The following SUSD1 variants were observed in gnomAD, a reference collection of about 807,000 sequenced individuals.
The protein encoded by SUSD1 is sushi domain-containing protein 1.
Under a neutral mutation model 86.9 loss-of-function variants are expected in SUSD1, and 65 were observed. The ratio of observed to expected loss-of-function variants is 0.75; its 90% confidence interval spans 0.61 to 0.92. The LOEUF is 0.92. Among genes scored for constraint, SUSD1 ranks in the 40% least tolerant of loss-of-function variants. The probability of loss-of-function intolerance (pLI) is 0.00; values close to 1 mark genes in which losing one functional copy is unlikely to be tolerated. For missense variants in SUSD1, 850 were observed against 929.7 expected, an observed-to-expected ratio of 0.91 and a Z score of 1.11; for synonymous variants, 346 against 350.0, an observed-to-expected ratio of 0.99 and a Z score of 0.13.
rs1831200515 is a variant in SUSD1, at chr9:112,113,811, A to C, written c.887-943T>G. Among the ~76,000 whole-genome samples, 1 of 152,114 alleles carries C rather than the reference A, an allele frequency of 6.6e-6. No homozygotes were observed. Among genetic ancestry groups the C allele is most frequent in the South Asian group, 2.1e-4 (1 of 4,820 alleles). On this transcript the variant is annotated intron_variant, in intron 6 of 16. Coordinates refer to ENST00000374270, the MANE Select transcript of SUSD1 (RefSeq NM_022486.5). This position sits in a 1 kb window ranked among gnomAD's most constrained non-coding sequence, Gnocchi z 4.1. ...GCGGTGCACGGTGGCACATGCCTGT[A>C]ATCTCAACTACCTGGGAGGCTGAGG... is the stretch of plus-strand genomic sequence containing the variant.
intron 5 of SUSD1, among the ~76,000 whole-genome samples, chr9:112,139,262 G>T (rs1259634189): frequency 1.3e-5 from 2 of 151,974 alleles, no homozygotes; most frequent in South Asian, 2.1e-4. Flanking sequence ...ACTGAACAAA[G>T]ATGGCACAGG....
rs1208434237 is a variant in SUSD1, at chr9:112,080,128, T to G, written c.1512A>C (p.Glu504Asp). 1 of 1,613,718 alleles carries G rather than the reference T, an allele frequency of 6.2e-7. No individual in the cohort carries two copies. Residue 504 changes from glutamate to aspartate, a missense_variant, in exon 11 of 17, where the codon GAA becomes GAC. Transcript: ENST00000374270. ...TGATGCTTCTCCATCTCAAGCAGGT[T>G]TCATTAAATCCTGAAATGTTACTGA... ...QTISNISGFN[E>D]TCLRWRSIKT...
At chr9:112,152,210 A>G (rs1220015719) in intron 2 of SUSD1, among the ~76,000 whole-genome samples, 1 of 151,994 alleles carries the variant, frequency 6.6e-6, no homozygotes, top group African/African-American at 2.4e-5. Context: ...CTCAAAAAAA[A>G]AAAAAAAAGG....
Position 112,112,831 on chromosome 9 carries a change from A to G in SUSD1, c.924T>C (p.Asn308=). 6.2e-7 allele frequency: 1 copy of G among 1,613,414 alleles called. No homozygotes were observed. Residue 308 remains asparagine (N), a synonymous_variant, in exon 7 of 17, where the codon AAT becomes AAC. Transcript: ENST00000374270. Reference sequence around the variant, plus strand: ...TTATTTGCCATCTCACACAGGTATCATTAAACAGTGATACATCATTAATCT... The same window carrying G: ...TTATTTGCCATCTCACACAGGTATCGTTAAACAGTGATACATCATTAATCT... ...LTKINDVSLF[N]DTCVRWQINS...
intron 5 of SUSD1, among the ~76,000 whole-genome samples, chr9:112,127,714 A>G (rs1322407324): frequency 6.6e-6 from 1 of 152,242 alleles, no homozygotes; most frequent in Non-Finnish European, 1.5e-5. Context: ...TAACAATAAT[A>G]ATAAGTCAAC....
chr9:112,057,873 C>A (rs1828519917), intron 14 of SUSD1, among the ~76,000 whole-genome samples: 1 of 152,186 alleles, frequency 6.6e-6, no homozygotes, highest in Non-Finnish European at 1.5e-5. Context: ...GATCTTCCAT[C>A]CCTGACTGAT....
intron 6 of SUSD1, among the ~76,000 whole-genome samples, chr9:112,121,853 T>A (rs149921510): frequency 6.6e-6 from 1 of 152,336 alleles, no homozygotes; most frequent in Non-Finnish European, 1.5e-5. Context: ...TAAGAATCAT[T>A]GCCTTTTCTC....
chr9:112,120,760 G>A (rs1477677341), intron 6 of SUSD1, among the ~76,000 whole-genome samples: 1 of 152,218 alleles, frequency 6.6e-6, no homozygotes, highest in African/African-American at 2.4e-5. Context: ...ACAAGCATCA[G>A]CTAATTAATA....
At chr9:112,114,648 T>G (rs115686242) in intron 6 of SUSD1, among the ~76,000 whole-genome samples, 77 of 152,294 alleles carry the variant, frequency 5.1e-4, no homozygotes, top group African/African-American at 1.8e-3. Flanking sequence ...TCAGCCTCTC[T>G]CAGCTTCCCC....
intron 5 of SUSD1, among the ~76,000 whole-genome samples, chr9:112,136,366 T>C (rs1832263582): frequency 6.6e-6 from 1 of 152,150 alleles, no homozygotes; most frequent in African/African-American, 2.4e-5. Flanking sequence ...CCTGAGCAGC[T>C]AGGACTACAG....
intron 1 of SUSD1, among the ~76,000 whole-genome samples, chr9:112,158,043 C>G (rs1833412136): frequency 1.3e-5 from 2 of 151,750 alleles, no homozygotes; most frequent in Non-Finnish European, 2.9e-5. Context: ...AGGCTGGTCT[C>G]GAAATCCTGA....
At chr9:112,135,821 G>A (rs1351949405) in intron 5 of SUSD1, among the ~76,000 whole-genome samples, 1 of 152,182 alleles carries the variant, frequency 6.6e-6, no homozygotes, top group South Asian at 2.1e-4. Context: ...AGGGCCAAGG[G>A]CTTTATTCAT....
intron 5 of SUSD1, among the ~76,000 whole-genome samples, chr9:112,127,708 A>G (rs1831838343): frequency 6.6e-6 from 1 of 152,252 alleles, no homozygotes; most frequent in Admixed American, 6.5e-5. Flanking sequence ...AAAAAATAAC[A>G]ATAATAATAA....
At chr9:112,142,961 CTTTTTTTTTTTTTTTTT>C (rs529470594) in intron 4 of SUSD1, among the ~76,000 whole-genome samples, 31 of 30,216 alleles carry the variant, frequency 1.0e-3, no homozygotes, top group East Asian at 9.8e-3. Flanking sequence ...TGAATTTTAG[CTTTTTTTTTTTTTTTTT>C]TTTTTTTTTT....
At chr9:112,111,628 G>A in intron 8 of SUSD1, 26 bp downstream of exon 8, 1 of 1,606,700 alleles carries the variant, frequency 6.2e-7, no homozygotes, top group South Asian at 1.1e-5. Context: ...TTTTCTAGGA[G>A]GAAATGAGAC....
intron 12 of SUSD1, among the ~76,000 whole-genome samples, chr9:112,067,394 T>C (rs968636784): frequency 1.3e-5 from 2 of 152,260 alleles, no homozygotes; most frequent in African/African-American, 4.8e-5. Flanking sequence ...AGTTCTGTGA[T>C]CCCACAGATT....
intron 9 of SUSD1, among the ~76,000 whole-genome samples, chr9:112,101,501 A>G (rs1830634004): frequency 6.6e-6 from 1 of 152,216 alleles, no homozygotes; most frequent in South Asian, 2.1e-4. Context: ...ATGATGTTTA[A>G]GAAAAAATCA....
intron 11 of SUSD1, among the ~76,000 whole-genome samples, chr9:112,079,147 T>C (rs1476281609): frequency 6.6e-6 from 1 of 151,900 alleles, no homozygotes; most frequent in African/African-American, 2.4e-5. Context: ...CCTCTCTCTC[T>C]CTCTCTGGAC....
chr9:112,046,358 A>AT (rs1277615520), intron 15 of SUSD1, among the ~76,000 whole-genome samples: 2 of 152,128 alleles, frequency 1.3e-5, no homozygotes, highest in African/African-American at 4.8e-5. Flanking sequence ...CTTGTAGAAT[A>AT]TTTTTTTACA....
Sources: allele counts gnomAD v4.1 joint callset (sites outside exome capture counted in the v4.1 genomes callset), GRCh38; gene constraint gnomAD v4.1.1; non-coding constraint Gnocchi (gnomAD v3.1); transcripts MANE v1.5; gene names NCBI Gene and HGNC (gene_info 2026-07-23, HGNC 2026-07-21).